The following P2RX5 variants were observed in gnomAD, a reference collection of about 807,000 sequenced individuals.
P2RX5 encodes the protein P2X purinoceptor 5.
A neutral mutation model predicts 54.1 loss-of-function variants in P2RX5; 46 were observed. That is an observed-to-expected ratio of 0.85 (90% CI 0.67 to 1.09). P2RX5 has a LOEUF of 1.09. P2RX5 is among the 50% of genes least tolerant of loss of function. P2RX5 has a pLI of 0.00. For synonymous variants in P2RX5, 226 were observed against 226.4 expected (o/e 1.00, Z 0.02); for missense variants, 566 against 549.8 (o/e 1.03, Z -0.29).
At chr17:3,722,048 G>A in the P2RX5 span, among the ~76,000 whole-genome samples, 5 of 151,942 alleles carry the variant, frequency 3.3e-5, no homozygotes, top group South Asian at 2.1e-4. Context: ...GTATGGTGGC[G>A]CATACCTGTA....
chr17:3,715,446 C>G, the P2RX5 span, among the ~76,000 whole-genome samples: 2 of 152,026 alleles, frequency 1.3e-5, no homozygotes, highest in South Asian at 2.1e-4. Flanking sequence ...GTCTCTAGAC[C>G]GCTTTCAGGG....
At chr17:3,691,077 C>CAGCGTT in intron 2 of P2RX5, 50 bp from the exon 3 acceptor site, 1 of 1,361,560 alleles carries the variant, frequency 7.3e-7, no homozygotes, top group Non-Finnish European at 1.0e-6. Flanking sequence ...CCTTAGGGAC[C>CAGCGTT]ACCCCACCTT....
chr17:3,691,711 G>T lies in P2RX5; in HGVS notation c.221C>A (p.Ala74Asp), dbSNP rs144771900. 6 of 1,614,130 alleles carry T rather than the reference G, an allele frequency of 3.7e-6. No individual in the cohort carries two copies. The highest frequency in any genetic ancestry group is 1.3e-5 in the African/African-American group (1 of 74,952). Residue 74 changes from alanine (A) to aspartate (D), a missense_variant, in exon 2 of 12, where the codon GCC (alanine) becomes GAC (aspartate). By Grantham distance (126) the Ala-to-Asp change is moderately radical (BLOSUM62 -2). Transcript: ENST00000225328. ...SAVITKVKGV[A>D]FTNTSDLGQR... ...CCCAAGATCCGAGGTGTTGGTGAAGGCCACGCCCTTGACTTTGGTGATGAC... is the reference window on the plus strand; with the variant it reads ...CCCAAGATCCGAGGTGTTGGTGAAGTCCACGCCCTTGACTTTGGTGATGAC...
At chr17:3,682,968 G>C (rs2050327234) in intron 9 of P2RX5, 1 of 152,240 alleles carries the variant, frequency 6.6e-6, no homozygotes, top group South Asian at 2.1e-4. Flanking sequence ...GGAGGTTGCA[G>C]TGAGCCAAGA....
In P2RX5 at chr17:3,696,082, C is replaced by A; in HGVS notation, c.-77G>T. On this transcript the variant is annotated 5_prime_UTR_variant, in exon 1 of 12. Coordinates refer to ENST00000225328, the MANE Select transcript of P2RX5 (RefSeq NM_002561.4). ...GGAGCACTCGGTCCCTCGGTCCCTGCGCGCCCGGCGCCCGCCTCGGCCCGT... is the reference window on the plus strand; with the variant it reads ...GGAGCACTCGGTCCCTCGGTCCCTGAGCGCCCGGCGCCCGCCTCGGCCCGT... 8 of 1,471,958 alleles carry A rather than the reference C, an allele frequency of 5.4e-6. No individual in the cohort carries two copies. Among genetic ancestry groups the A allele is most frequent in the Admixed American group, 2.4e-5 (1 of 42,192 alleles). 91.2% of individuals were successfully genotyped at this position (1,471,958 alleles called of 1,614,324 possible).
chr17:3,723,581 C>T, the P2RX5 span: 10 of 1,242,180 alleles, frequency 8.1e-6, no homozygotes, highest in Non-Finnish European at 1.0e-5. Context: ...CTGGCAGCCC[C>T]CGGCACTGGC....
At position 3,690,709 on chromosome 17, in the gene P2RX5, G is replaced by C. The variant is rs539674167; in HGVS notation, c.361-29C>G. ...CCAGGAGAGAAGGGGCACCTGGATG[G>C]GGGGGTTCCCCCAGCTCAGAGCCGG... On this transcript the variant is annotated intron_variant, in intron 3 of 11. Coordinates refer to ENST00000225328, the MANE Select transcript of P2RX5 (RefSeq NM_002561.4). 1.6e-5 allele frequency: 26 copies of C among 1,608,848 alleles called. 1 individual carries two copies. The African/African-American group carries it at 2.3e-4, about 14-fold the overall frequency.
At chr17:3,719,234 T>TAAAAAAAAAAAAAAAAAAAAAAAAA in the P2RX5 span, among the ~76,000 whole-genome samples, 1 of 34,834 alleles carries the variant, frequency 2.9e-5, no homozygotes, top group African/African-American at 1.2e-4. Flanking sequence ...AGATTCTTCC[T>TAAAAAAAAAAAAAAAAAAAAAAAAA]CAAAAAAAAA....
chr17:3,716,751 G>A, the P2RX5 span: 63 of 1,609,980 alleles, frequency 3.9e-5, 1 homozygote, highest in East Asian at 1.2e-3. Context: ...CTTTAATGAT[G>A]ATAGGCAAAG....
At chr17:3,698,957 G>A (rs2050797386), upstream of P2RX5, among the ~76,000 whole-genome samples, 1 of 151,988 alleles carries the variant, frequency 6.6e-6, no homozygotes, top group Non-Finnish European at 1.5e-5. Flanking sequence ...TGTAATCCCA[G>A]CACTTTGGGA....
In P2RX5 at chr17:3,682,019, G is replaced by T. The variant is rs781451880; in HGVS notation, c.982-41C>A. On this transcript the variant is annotated intron_variant, in intron 9 of 11. Transcript: ENST00000225328. ...TCCTGATTCAGAATCCTAGACCTCT[G>T]AGAGCACTGTTCATTTAGGGCACTT... 3.6e-6 allele frequency: 5 copies of T among 1,395,086 alleles called. No individual in the cohort carries two copies. The South Asian group carries it at 5.8e-5, about 16-fold the overall frequency. 86.4% of individuals were successfully genotyped at this position (1,395,086 alleles called of 1,614,324 possible).
In P2RX5 at chr17:3,696,119, C is replaced by T. The variant is rs2143002505; in HGVS notation, c.-114G>A. ...CCGCCTCGGCCCGTCTGCGCCCGCT[C>T]AGCTGCAGCCCGGGGTGTCCGGCAG... On this transcript the variant is annotated 5_prime_UTR_variant, in exon 1 of 12. Transcript: ENST00000225328. The T allele has an allele frequency of 8.5e-7, 1 of 1,178,532 alleles. No homozygotes were observed. The highest frequency in any genetic ancestry group is 3.8e-5 in the Admixed American group (1 of 26,306). 73.0% of individuals were successfully genotyped at this position (1,178,532 alleles called of 1,614,324 possible). A position where few individuals can be genotyped will look rare whatever the true frequency, so the allele number is the denominator to read the frequency against.
chr17:3,701,746 GTTTT>G, the P2RX5 span, among the ~76,000 whole-genome samples: 1 of 106,420 alleles, frequency 9.4e-6, no homozygotes, highest in Admixed American at 1.1e-4. Flanking sequence ...CATTTTCTCT[GTTTT>G]TTTTTTTTTT....
rs1185680910 is a variant in P2RX5 at position 3,681,877 on chromosome 17, G to A, written c.1064+19C>T. ...CCACAGGGCTGCCCTCGGGCCGCCG[G>A]CCTGGAAGCGGAACTGACCTCACTT... On this transcript the variant is annotated intron_variant, in intron 10 of 11. Coordinates refer to ENST00000225328, the MANE Select transcript of P2RX5 (RefSeq NM_002561.4). 4.4e-6 allele frequency: 7 copies of A among 1,583,610 alleles called. No homozygotes were observed. In the Admixed American group the frequency reaches 8.3e-5, roughly 19 times the overall value.
intron 10 of P2RX5, among the ~76,000 whole-genome samples, chr17:3,681,323 C>A (rs1449020059): frequency 2.0e-5 from 3 of 152,124 alleles, no homozygotes; most frequent in African/African-American, 4.8e-5. Flanking sequence ...CTCCAGAAGG[C>A]CTTCCCCAAA....
At chr17:3,709,146 G>T in the P2RX5 span, among the ~76,000 whole-genome samples, 96,335 of 151,748 alleles carry the variant, frequency 0.63, 31,600 homozygotes, top group African/African-American at 0.76. Flanking sequence ...GAGACAGGGT[G>T]TCACCATGTT....
chr17:3,712,832 A>G, the P2RX5 span, among the ~76,000 whole-genome samples: 2 of 152,064 alleles, frequency 1.3e-5, no homozygotes, highest in African/African-American at 4.8e-5. Context: ...AGTCCCAGCT[A>G]CTCGGGAGGG....
chr17:3,701,468 G>A, the P2RX5 span, among the ~76,000 whole-genome samples: 7 of 152,038 alleles, frequency 4.6e-5, no homozygotes, highest in East Asian at 1.9e-4. Flanking sequence ...CAAGGTGGGC[G>A]GATCACCTGA....
chr17:3,689,872 GAA>G (rs1491490858), intron 6 of P2RX5, among the ~76,000 whole-genome samples, 196 bp downstream of exon 6: 3 of 151,398 alleles, frequency 2.0e-5, no homozygotes, highest in Admixed American at 2.0e-4. Context: ...GCACACACGC[GAA>G]CACACGCACA....
Sources: gnomAD v4.1 joint callset for allele counts (sites outside exome capture counted in the v4.1 genomes callset) on GRCh38, gnomAD v4.1.1 for gene constraint, MANE v1.5 for transcripts, NCBI Gene and HGNC (gene_info 2026-07-23, HGNC 2026-07-21) for gene names.